OR2M2: variants seen among roughly 807,000 people sequenced by gnomAD.
OR2M2 encodes olfactory receptor family 2 subfamily M member 2, also known as olfactory receptor 2M2.
For missense variants in OR2M2, 467 were observed against 429.9 expected (o/e 1.09, Z -0.76); for synonymous variants, 168 against 151.7 (o/e 1.11, Z -0.79).
Position 248,180,041 on chromosome 1 carries a change from A to G in OR2M2, c.56A>G (p.Asn19Ser), listed in dbSNP as rs141475463. 9.9e-6 allele frequency: 16 copies of G among 1,614,010 alleles called. 1 individual carries two copies. The highest frequency in any genetic ancestry group is 6.7e-5 in the African/African-American group (5 of 74,998). Residue 19 changes from asparagine (N) to serine (S), a missense_variant, in exon 2 of 2, where the codon AAT becomes AGT. Transcript: ENST00000641836. ...NSDFILLGIF[N>S]HSPPHTFLFF... is the part of the protein sequence containing the mutation. ...GACTTCATCCTCCTTGGAATCTTCA[A>G]TCACAGCCCACCACACACGTTCCTC...
At chr1:248,176,006 T>C (rs1425648835) in intron 1 of OR2M2, among the ~76,000 whole-genome samples, 1 of 152,110 alleles carries the variant, frequency 6.6e-6, no homozygotes, top group Non-Finnish European at 1.5e-5. Context: ...CTTTTTATAT[T>C]ACAAGTAATG....
Position 248,180,070 on chromosome 1 carries a change from T to C in OR2M2, c.85T>C (p.Phe29Leu). The change falls in exon 2 of 2, where the codon TTT (phenylalanine) becomes CTT (leucine). Residue 29 changes from phenylalanine to leucine, a missense_variant. Coordinates refer to ENST00000641836, the MANE Select transcript of OR2M2 (RefSeq NM_001004688.2). ...CAGCCCACCACACACGTTCCTCTTC[T>C]TTCTGGTCCTGGGCATCTTTTTAGT... ...NHSPPHTFLF[F>L]LVLGIFLVAF... is the part of the protein sequence containing the mutation. The C allele has an allele frequency of 6.2e-7, 1 of 1,614,036 alleles. No homozygotes were observed. Among genetic ancestry groups the C allele is most frequent in the Non-Finnish European group, 8.5e-7 (1 of 1,179,956 alleles).
rs1419710412 is a variant in OR2M2, at chr1:248,180,602, T to C, written c.617T>C (p.Met206Thr). 5 of 1,613,032 alleles carry C rather than the reference T, an allele frequency of 3.1e-6. No homozygotes were observed. The African/African-American group carries it at 5.3e-5, about 17-fold the overall frequency. The stretch of plus-strand genomic sequence containing the variant: ...GTTATTTTCATCTGCTGTATAGTAA[T>C]GCTTGTTTTCCCTGTTGCAATCATC... ...EEVIFICCIV[M>T]LVFPVAIIIA... Residue 206 changes from methionine to threonine, a missense_variant, in exon 2 of 2, where the codon ATG becomes ACG. Coordinates refer to ENST00000641836, the MANE Select transcript of OR2M2 (RefSeq NM_001004688.2).
chr1:248,180,239 AC>A lies in OR2M2; in HGVS notation c.256del (p.Leu86CysfsTer45). 6.2e-7 allele frequency: 1 copy of A among 1,613,956 alleles called. No individual in the cohort carries two copies. The highest frequency in any genetic ancestry group is 1.3e-5 in the African/African-American group (1 of 74,962). On this transcript the variant is annotated frameshift_variant, in exon 2 of 2. Coordinates refer to ENST00000641836, the MANE Select transcript of OR2M2 (RefSeq NM_001004688.2). LOFTEE classifies it low-confidence loss of function (END_TRUNC). The stretch of plus-strand genomic sequence containing the variant: ...ACCGTACCCAAGATGGCCTTCAACT[AC>A]CTGTCTGGCAGCAAGTCCATTTCTA... ...CTTVPKMAFNYLSGSKSISMA... is the reference protein window; with the variant it reads ...CTTVPKMAFNXLSGSKSISMA...
rs200093216 is a variant in OR2M2 at position 248,179,972 on chromosome 1, A to G, written c.-14A>G. ...AAGATGGTTTTGTGGTACTAGGTAAAAAGCACATTCATCATGGCATGGGAG... is the reference window on the plus strand; with the variant it reads ...AAGATGGTTTTGTGGTACTAGGTAAGAAGCACATTCATCATGGCATGGGAG... On this transcript the variant is annotated 5_prime_UTR_variant, in exon 2 of 2. Transcript: ENST00000641836. The G allele has an allele frequency of 1.0e-5, 16 of 1,600,086 alleles. No homozygotes were observed. Among genetic ancestry groups the G allele is most frequent in the Non-Finnish European group, 1.4e-5 (16 of 1,172,850 alleles).
At chr1:248,178,661 A>G (rs1466747498) in intron 1 of OR2M2, among the ~76,000 whole-genome samples, 2 of 152,202 alleles carry the variant, frequency 1.3e-5, no homozygotes, top group African/African-American at 4.8e-5. Context: ...ACTCTGTTCA[A>G]AGATGAACAT....
At chr1:248,177,168 A>C (rs567683127) in intron 1 of OR2M2, among the ~76,000 whole-genome samples, 3 of 152,206 alleles carry the variant, frequency 2.0e-5, no homozygotes, top group African/African-American at 7.2e-5. Context: ...TGTTTGTATA[A>C]GTTCATCCTA....
chr1:248,180,257 C>A lies in OR2M2; in HGVS notation c.272C>A (p.Ser91Tyr), dbSNP rs1241912585. 6 of 1,614,040 alleles carry A rather than the reference C, an allele frequency of 3.7e-6. No homozygotes were observed. In the East Asian group the frequency reaches 1.1e-4, roughly 30 times the overall value. ...MAFNYLSGSKSISMAGCVTQI... is the reference protein window; with the variant it reads ...MAFNYLSGSKYISMAGCVTQI... ...TTCAACTACCTGTCTGGCAGCAAGT[C>A]CATTTCTATGGCTGGTTGTGTCACA... The change falls in exon 2 of 2, where the codon TCC becomes TAC. Residue 91 changes from serine to tyrosine, a missense_variant. Physicochemically the swap from Ser to Tyr is moderately radical, Grantham distance 144 (BLOSUM62 -2). Transcript: ENST00000641836.
chr1:248,178,932 T>C (rs1036164461), intron 1 of OR2M2, among the ~76,000 whole-genome samples: 6 of 152,204 alleles, frequency 3.9e-5, no homozygotes, highest in African/African-American at 1.2e-4. Context: ...GGAGATATTG[T>C]GTGTATTAGT....
Position 248,180,360 on chromosome 1 carries a change from T to C in OR2M2, c.375T>C (p.Ala125=), listed in dbSNP as rs1357754374. 6.2e-7 allele frequency: 1 copy of C among 1,614,168 alleles called. No homozygotes were observed. The highest frequency in any genetic ancestry group is 8.5e-7 in the Non-Finnish European group (1 of 1,180,014). ...TTATGGCTTATGACCGCTATATTGC[T>C]ATTTGCCACCCTCTAAGATATACCA... is the stretch of plus-strand genomic sequence containing the variant. ...LAVMAYDRYI[A]ICHPLRYTNL... Residue 125 remains alanine (A), a synonymous_variant, in exon 2 of 2, where the codon GCT becomes GCC. Coordinates refer to ENST00000641836, the MANE Select transcript of OR2M2 (RefSeq NM_001004688.2).
At position 248,180,894 on chromosome 1, in the gene OR2M2, G is replaced by A. The variant is rs1490078748; in HGVS notation, c.909G>A (p.Lys303=). 3 of 1,613,964 alleles carry A rather than the reference G, an allele frequency of 1.9e-6. No homozygotes were observed. The highest frequency in any genetic ancestry group is 3.3e-5 in the Admixed American group (2 of 59,986). Residue 303 remains lysine, a synonymous_variant, in exon 2 of 2, where the codon AAG becomes AAA. Coordinates refer to ENST00000641836, the MANE Select transcript of OR2M2 (RefSeq NM_001004688.2). The part of the protein sequence containing the change: ...RNKEVTRAFM[K]ILGKGKSESE... ...AGGAGGTGACTAGAGCATTCATGAA[G>A]ATCTTAGGAAAGGGCAAGTCTGAGA...
intron 1 of OR2M2, among the ~76,000 whole-genome samples, chr1:248,175,556 A>G (rs189431336): frequency 6.6e-6 from 1 of 152,128 alleles, no homozygotes; most frequent in Non-Finnish European, 1.5e-5. Flanking sequence ...TCTGCAATAC[A>G]TCTGGTCCCA....
In OR2M2 at chr1:248,180,611, T is replaced by A. The variant is rs1344003193; in HGVS notation, c.626T>A (p.Phe209Tyr). 6.2e-7 allele frequency: 1 copy of A among 1,612,880 alleles called. No homozygotes were observed. ...ATCTGCTGTATAGTAATGCTTGTTT[T>A]CCCTGTTGCAATCATCATTGCTTCC... ...IFICCIVMLV[F>Y]PVAIIIASYA... The change falls in exon 2 of 2, where the codon TTC becomes TAC. Residue 209 changes from phenylalanine (F) to tyrosine (Y), a missense_variant. Transcript: ENST00000641836.
chr1:248,180,030 T>G lies in OR2M2; in HGVS notation c.45T>G (p.Leu15=), dbSNP rs147227258. ...CCTTCAACTCCGACTTCATCCTCCT[T>G]GGAATCTTCAATCACAGCCCACCAC... ...NQTFNSDFIL[L]GIFNHSPPHT... Residue 15 remains leucine (L), a synonymous_variant, in exon 2 of 2, where the codon CTT becomes CTG. Coordinates refer to ENST00000641836, the MANE Select transcript of OR2M2 (RefSeq NM_001004688.2). The G allele has an allele frequency of 6.6e-4, 1,066 of 1,613,974 alleles. 10 individuals carry two copies. In the African/African-American group the frequency reaches 0.012, roughly 19 times the overall value.
At chr1:248,179,317 A>T (rs1360782850) in intron 1 of OR2M2, among the ~76,000 whole-genome samples, 1 of 152,176 alleles carries the variant, frequency 6.6e-6, no homozygotes, top group East Asian at 1.9e-4. Context: ...ATTTCCAAAC[A>T]AGCTCACACG....
At position 248,180,701 on chromosome 1, in the gene OR2M2, C is replaced by A. The variant is rs765707404; in HGVS notation, c.716C>A (p.Thr239Lys). 1.9e-6 allele frequency: 3 copies of A among 1,612,774 alleles called. No homozygotes were observed. The African/African-American group carries it at 4.0e-5, about 22-fold the overall frequency. The change falls in exon 2 of 2, where the codon ACG becomes AAG. Residue 239 changes from threonine (T) to lysine (K), a missense_variant. Transcript: ENST00000641836. ...GGAGAGGGTCGTTGCAAAGCTTTCA[C>A]GACCTGTTCCTCTCACCTCATGGTG... ...GSGEGRCKAF[T>K]TCSSHLMVVG...
chr1:248,179,114 G>T (rs1665888187), intron 1 of OR2M2, among the ~76,000 whole-genome samples: 1 of 152,042 alleles, frequency 6.6e-6, no homozygotes, highest in Non-Finnish European at 1.5e-5. Context: ...AGGTTCCTGT[G>T]ATAACTAACA....
At position 248,180,758 on chromosome 1, in the gene OR2M2, T is replaced by C. The variant is rs201054421; in HGVS notation, c.773T>C (p.Met258Thr). 110 of 1,613,732 alleles carry C rather than the reference T, an allele frequency of 6.8e-5. No homozygotes were observed. Among genetic ancestry groups the C allele is most frequent in the Non-Finnish European group, 9.0e-5 (106 of 1,179,860 alleles). ...ATGTACTATGGAGCAGCTTTGTTCATGTACATACGGCCCACATCTGATCAC... is the reference window on the plus strand; with the variant it reads ...ATGTACTATGGAGCAGCTTTGTTCACGTACATACGGCCCACATCTGATCAC... ...VGMYYGAALFMYIRPTSDHSP... is the reference protein window; with the variant it reads ...VGMYYGAALFTYIRPTSDHSP... The change falls in exon 2 of 2, where the codon ATG (methionine) becomes ACG (threonine). Residue 258 changes from methionine (M) to threonine (T), a missense_variant. Physicochemically the swap from Met to Thr is moderately conservative, Grantham distance 81. Transcript: ENST00000641836.
chr1:248,178,066 T>G (rs1275341294), intron 1 of OR2M2: 1 of 152,280 alleles, frequency 6.6e-6, no homozygotes, highest in Non-Finnish European at 1.5e-5. Flanking sequence ...AGGTTTTTTC[T>G]TTCTTATTCA....
Sources: allele counts gnomAD v4.1 joint callset (sites outside exome capture counted in the v4.1 genomes callset), GRCh38; gene constraint gnomAD v4.1.1; transcripts MANE v1.5; gene names NCBI Gene and HGNC (gene_info 2026-07-23, HGNC 2026-07-21).